The following OLFM2 variants were observed in gnomAD, a reference collection of about 807,000 sequenced individuals.
OLFM2 encodes noelin-2.
OLFM2 carries 20 observed loss-of-function variants against 43.9 expected under a neutral mutation model. The ratio of observed to expected loss-of-function variants is 0.46; its 90% confidence interval spans 0.32 to 0.66. The LOEUF (loss-of-function observed/expected upper bound fraction) is 0.66. Ranked by LOEUF, OLFM2 falls within the 30% of genes least tolerant of loss-of-function variation. The pLI is 0.04. For missense variants in OLFM2, 416 were observed against 643.6 expected, an observed-to-expected ratio of 0.65 and a Z score of 3.83; for synonymous variants, 268 against 278.6, an observed-to-expected ratio of 0.96 and a Z score of 0.38.
At chr19:9,877,454 A>T (rs1386947433) in intron 1 of OLFM2, among the ~76,000 whole-genome samples, 2 of 151,786 alleles carry the variant, frequency 1.3e-5, no homozygotes, top group Non-Finnish European at 1.5e-5. Flanking sequence ...AATGGCTGGA[A>T]CTCGGGAGGC....
At chr19:9,927,956 G>A (rs550172720) in intron 1 of OLFM2, among the ~76,000 whole-genome samples, 8 of 152,200 alleles carry the variant, frequency 5.3e-5, no homozygotes, top group African/African-American at 1.9e-4. Context: ...CAGCACCTTG[G>A]GAGGCTGAGG....
At chr19:9,884,062 G>A (rs1041712323) in intron 1 of OLFM2, among the ~76,000 whole-genome samples, 1 of 151,806 alleles carries the variant, frequency 6.6e-6, no homozygotes, top group Non-Finnish European at 1.5e-5. Flanking sequence ...GAGCCCAGGA[G>A]TTCAAGACCA....
Position 9,857,731 on chromosome 19 carries a change from G to A in OLFM2, c.344C>T (p.Ser115Leu), listed in dbSNP as rs201189277. ...AGGACCCACCTGGAAGCTCTTGGCC[G>A]AGAGGGACCCATCAGCTGCCCGGAG... ...ARLRAADGSL[S>L]AKSFQELKDR... Residue 115 changes from serine to leucine, a missense_variant, in exon 3 of 6, where the codon TCG becomes TTG. Ser to Leu is a moderately radical substitution (Grantham distance 145). Coordinates refer to ENST00000264833, the MANE Select transcript of OLFM2 (RefSeq NM_058164.4). The surrounding 1 kb of genome is among the most constrained non-coding windows in gnomAD (Gnocchi z 5.7). The A allele has an allele frequency of 5.0e-5, 80 of 1,614,024 alleles. No homozygotes were observed. The highest frequency in any genetic ancestry group is 4.5e-4 in the South Asian group (41 of 91,080).
Position 9,879,689 on chromosome 19 carries a change from C to T in OLFM2, c.64-18895G>A, listed in dbSNP as rs377709707. Reference sequence around the variant, plus strand: ...CTAATACACTGGGACTCCAGGTGTGCGCCACCACGCCTGGCTAAGTTTTTT... The same window carrying T: ...CTAATACACTGGGACTCCAGGTGTGTGCCACCACGCCTGGCTAAGTTTTTT... On this transcript the variant is annotated intron_variant, in intron 1 of 5. Coordinates refer to ENST00000264833, the MANE Select transcript of OLFM2 (RefSeq NM_058164.4). Among the ~76,000 whole-genome samples, 22 of 152,124 alleles carry T rather than the reference C, an allele frequency of 1.4e-4. No homozygotes were observed. In the South Asian group the frequency reaches 4.4e-3, roughly 30 times the overall value.
chr19:9,916,304 C>T (rs971779152), intron 1 of OLFM2, among the ~76,000 whole-genome samples: 1 of 152,092 alleles, frequency 6.6e-6, no homozygotes, highest in African/African-American at 2.4e-5. Flanking sequence ...TTGCAGTGAG[C>T]CAAGATCGAG....
chr19:9,871,330 C>T (rs1052420557), intron 1 of OLFM2, among the ~76,000 whole-genome samples: 19 of 150,654 alleles, frequency 1.3e-4, no homozygotes, highest in African/African-American at 3.9e-4. Context: ...CCCAGCACTT[C>T]GGGAGGCCAA....
intron 1 of OLFM2, among the ~76,000 whole-genome samples, chr19:9,922,459 C>G (rs1212835725): frequency 1.3e-5 from 2 of 152,018 alleles, no homozygotes; most frequent in African/African-American, 4.8e-5. Flanking sequence ...AAATGAAACC[C>G]ACAATGTTCC....
At chr19:9,872,981 T>TATTACCAA (rs2046455850) in intron 1 of OLFM2, among the ~76,000 whole-genome samples, 1 of 152,128 alleles carries the variant, frequency 6.6e-6, no homozygotes, top group Non-Finnish European at 1.5e-5. Context: ...GCTTTACAAA[T>TATTACCAA]ATTACCAAAA....
intron 1 of OLFM2, among the ~76,000 whole-genome samples, chr19:9,931,879 A>AT (rs2086485026): frequency 6.6e-6 from 1 of 151,886 alleles, no homozygotes; most frequent in African/African-American, 2.4e-5. Flanking sequence ...TGAAGAATGG[A>AT]TTTTCTTGGT....
At chr19:9,893,510 TCCAGGACTTGAGTGAACCC>T (rs1257503772) in intron 1 of OLFM2, among the ~76,000 whole-genome samples, 1 of 132,936 alleles carries the variant, frequency 7.5e-6, no homozygotes, top group African/African-American at 2.7e-5. Flanking sequence ...TGTGTTCTGT[TCCAGGACTTGAGTGAACCC>T]CCCGTCTTGG....
intron 1 of OLFM2, among the ~76,000 whole-genome samples, chr19:9,912,125 A>AACACACACATATAG (rs1555728186): frequency 2.6e-5 from 4 of 151,978 alleles, no homozygotes; most frequent in Non-Finnish European, 5.9e-5. Context: ...TACACACCGA[A>AACACACACATATAG]ACACACACAT....
At chr19:9,872,313 A>G (rs2046448864) in intron 1 of OLFM2, among the ~76,000 whole-genome samples, 1 of 152,022 alleles carries the variant, frequency 6.6e-6, no homozygotes, top group African/African-American at 2.4e-5. Context: ...GGAGTTCGGG[A>G]CCAGCCTGGG....
intron 1 of OLFM2, among the ~76,000 whole-genome samples, chr19:9,893,591 T>G (rs529431299): frequency 1.3e-4 from 20 of 152,266 alleles, no homozygotes; most frequent in Middle Eastern, 3.4e-3. Flanking sequence ...CCTGCCCTAG[T>G]AGAACGTTCA....
intron 1 of OLFM2, among the ~76,000 whole-genome samples, chr19:9,865,636 C>T (rs2145439573): frequency 6.6e-6 from 1 of 151,374 alleles, no homozygotes; most frequent in East Asian, 1.9e-4. Context: ...GGATTACAGG[C>T]ATGCACCACC....
At chr19:9,911,411 A>T (rs2046826423) in intron 1 of OLFM2, among the ~76,000 whole-genome samples, 1 of 152,118 alleles carries the variant, frequency 6.6e-6, no homozygotes, top group Non-Finnish European at 1.5e-5. Context: ...CAGCAGGTGA[A>T]TTCATGGAAG....
chr19:9,892,330 G>A (rs552101846), intron 1 of OLFM2, among the ~76,000 whole-genome samples: 1 of 152,248 alleles, frequency 6.6e-6, no homozygotes, highest in South Asian at 2.1e-4. Flanking sequence ...CCACAGGGAG[G>A]GACAGCCACC....
intron 1 of OLFM2, among the ~76,000 whole-genome samples, chr19:9,913,039 A>G (rs1599496850): frequency 6.6e-6 from 1 of 151,284 alleles, no homozygotes; most frequent in South Asian, 2.1e-4. Context: ...AGGTGGAGAC[A>G]CTCGGAAACC....
chr19:9,879,781 CT>C (rs1463162566), intron 1 of OLFM2, among the ~76,000 whole-genome samples: 2 of 151,674 alleles, frequency 1.3e-5, no homozygotes, highest in Non-Finnish European at 2.9e-5. Flanking sequence ...GTCTTGAACT[CT>C]TTTTTGTCTT....
At chr19:9,901,986 G>A (rs987576063) in intron 1 of OLFM2, among the ~76,000 whole-genome samples, 3 of 152,038 alleles carry the variant, frequency 2.0e-5, no homozygotes, top group African/African-American at 7.3e-5. Context: ...TACAATTCGT[G>A]AGCCCACAAG....
Sources: allele counts gnomAD v4.1 joint callset (sites outside exome capture counted in the v4.1 genomes callset), GRCh38; gene constraint gnomAD v4.1.1; non-coding constraint Gnocchi (gnomAD v3.1); transcripts MANE v1.5; gene names NCBI Gene and HGNC (gene_info 2026-07-23, HGNC 2026-07-21).